The following INPP4B variants were observed in gnomAD, a reference collection of about 807,000 sequenced individuals.
INPP4B encodes inositol polyphosphate-4-phosphatase type II B.
In INPP4B, 55 loss-of-function variants were observed where a neutral mutation model predicts 122.5. That is an observed-to-expected ratio of 0.45 (90% CI 0.36 to 0.56). INPP4B has a LOEUF of 0.56. Ranked by LOEUF, INPP4B falls within the 20% of genes least tolerant of loss-of-function variation. The pLI is 0.00. For missense variants in INPP4B, 1,000 were observed against 1,097.7 expected (o/e 0.91, Z 1.26); for synonymous variants, 403 against 388.7 (o/e 1.04, Z -0.43).
At chr4:142,072,058 T>C (rs1767738187) in intron 25 of INPP4B, among the ~76,000 whole-genome samples, 1 of 152,124 alleles carries the variant, frequency 6.6e-6, no homozygotes, top group African/African-American at 2.4e-5. Context: ...TGTGGCACCA[T>C]TCACAATAGC....
chr4:142,717,657 A>T (rs1763958355), intron 2 of INPP4B, among the ~76,000 whole-genome samples: 1 of 152,094 alleles, frequency 6.6e-6, no homozygotes. Flanking sequence ...ACCAAACACC[A>T]CATGTTGTCA....
chr4:142,089,458 CACACACACACACACACACACACAG>C (rs1173699080), intron 23 of INPP4B, among the ~76,000 whole-genome samples: 1 of 148,084 alleles, frequency 6.8e-6, no homozygotes, highest in Non-Finnish European at 1.5e-5. Flanking sequence ...CACACACACA[CACACACACACACACACACACACAG>C]AGAGAGAGAG....
At chr4:142,496,104 C>A (rs1157693301) in intron 2 of INPP4B, among the ~76,000 whole-genome samples, 1 of 152,170 alleles carries the variant, frequency 6.6e-6, no homozygotes, top group Admixed American at 6.5e-5. Flanking sequence ...TTCTTGGCCT[C>A]ACATTACTTA....
At chr4:142,096,927 G>A (rs1213824388) in intron 23 of INPP4B, among the ~76,000 whole-genome samples, 2 of 152,108 alleles carry the variant, frequency 1.3e-5, no homozygotes, top group Admixed American at 1.3e-4. Flanking sequence ...TCCTGCCAAA[G>A]GGTATGTGAA....
intron 2 of INPP4B, among the ~76,000 whole-genome samples, chr4:142,545,813 ACATGTG>A (rs1436526979): frequency 0.014 from 982 of 70,790 alleles, 40 homozygotes; most frequent in Admixed American, 0.069. Flanking sequence ...ATACACATAT[ACATGTG>A]TGTATATATA....
At chr4:142,645,271 T>C (rs762696575) in intron 2 of INPP4B, among the ~76,000 whole-genome samples, 6 of 152,180 alleles carry the variant, frequency 3.9e-5, no homozygotes, top group Non-Finnish European at 2.9e-5. Context: ...AGTCATATGA[T>C]TTGACCATTA....
chr4:142,068,519 TA>T (rs2152470026), intron 25 of INPP4B, among the ~76,000 whole-genome samples: 1 of 152,262 alleles, frequency 6.6e-6, no homozygotes, highest in Admixed American at 6.5e-5. Flanking sequence ...ATGCTCCAAT[TA>T]AAAGACACAG....
At chr4:142,780,310 A>G (rs1359493877) in intron 1 of INPP4B, among the ~76,000 whole-genome samples, 1 of 152,174 alleles carries the variant, frequency 6.6e-6, no homozygotes, top group African/African-American at 2.4e-5. Flanking sequence ...AGTTTCAACT[A>G]AGGTTTAATA....
intron 1 of INPP4B, among the ~76,000 whole-genome samples, chr4:142,750,241 A>G (rs1346999976): frequency 5.3e-5 from 8 of 152,072 alleles, no homozygotes; most frequent in Non-Finnish European, 4.4e-5. Context: ...TATTTAGGGA[A>G]TATGTAAGTG....
At chr4:142,208,827 A>ATTT in intron 13 of INPP4B, 69 bp downstream of exon 13, 4 of 1,097,978 alleles carry the variant, frequency 3.6e-6, no homozygotes, top group South Asian at 2.3e-5. Context: ...TCTATTTATT[A>ATTT]TTTTTTTTTT....
Position 142,134,748 on chromosome 4 carries a change from G to A in INPP4B, c.1721-9988C>T, listed in dbSNP as rs946433784. On this transcript the variant is annotated intron_variant, in intron 18 of 25. Transcript: ENST00000262992. The stretch of plus-strand genomic sequence containing the variant: ...GGGGACGGAGGTTGTGGTGAGCTGA[G>A]ATCACACCATTGCATTCCAGCCTGG... Among the ~76,000 whole-genome samples, 9 of 125,244 alleles carry A rather than the reference G, an allele frequency of 7.2e-5. No homozygotes were observed. The East Asian group carries it at 1.8e-3, about 24-fold the overall frequency. The allele number at this position is 125,244 out of a possible 152,430, so 82.2% of individuals were successfully genotyped here.
chr4:142,231,985 T>C (rs1319876333), intron 12 of INPP4B, among the ~76,000 whole-genome samples: 2 of 152,200 alleles, frequency 1.3e-5, no homozygotes, highest in African/African-American at 4.8e-5. Flanking sequence ...TAAAGTTTTA[T>C]TGAAACAGCT....
intron 10 of INPP4B, among the ~76,000 whole-genome samples, chr4:142,264,969 TCTCTCTCTCC>T (rs149403044): frequency 0.038 from 5,832 of 151,656 alleles, 345 homozygotes; most frequent in African/African-American, 0.13. Flanking sequence ...TCTTTCTCTC[TCTCTCTCTCC>T]CTCTCTCTCC....
chr4:142,074,258 T>C (rs1769234546), intron 25 of INPP4B, among the ~76,000 whole-genome samples: 2 of 152,130 alleles, frequency 1.3e-5, no homozygotes, highest in South Asian at 2.1e-4. Flanking sequence ...CTCCATTATA[T>C]GAAACATAGA....
At chr4:142,686,980 A>C (rs984968586) in intron 2 of INPP4B, among the ~76,000 whole-genome samples, 1 of 152,050 alleles carries the variant, frequency 6.6e-6, no homozygotes, top group South Asian at 2.1e-4. Context: ...AAGGCAAGGT[A>C]TTCTTTTTGG....
chr4:142,473,108 T>C (rs1819182678), intron 2 of INPP4B: 1 of 152,226 alleles, frequency 6.6e-6, no homozygotes, highest in Non-Finnish European at 1.5e-5. Flanking sequence ...ATTAGCTACA[T>C]GACTAAGTAA....
chr4:142,198,869 C>T (rs1438872453), intron 14 of INPP4B, among the ~76,000 whole-genome samples: 1 of 152,056 alleles, frequency 6.6e-6, no homozygotes, highest in Non-Finnish European at 1.5e-5. Context: ...TAAGGCTCTT[C>T]CCATTACCTA....
chr4:142,232,380 GCAATGTTTT>G (rs911860905), intron 12 of INPP4B, among the ~76,000 whole-genome samples: 4 of 152,008 alleles, frequency 2.6e-5, no homozygotes, highest in Non-Finnish European at 4.4e-5. Context: ...TAGAACTGTT[GCAATGTTTT>G]CAATGTTTTC....
chr4:142,160,454 C>T lies in INPP4B; in HGVS notation c.1467G>A (p.Lys489=), dbSNP rs1275480616. ...GGILKKPPSP[K]SSTEESSPQD... ...GGGGACTGCTCTCCTCTGTGCTGCT[C>T]TTAGGAGAGGGTGGCTTCTTAAGAA... The change falls in exon 17 of 26, where the codon AAG becomes AAA. Residue 489 remains lysine, a synonymous_variant. Transcript: ENST00000262992. The T allele has an allele frequency of 1.2e-6, 2 of 1,612,612 alleles. No homozygotes were observed. Among genetic ancestry groups the T allele is most frequent in the East Asian group, 2.2e-5 (1 of 44,832 alleles).
Sources: allele counts gnomAD v4.1 joint callset (sites outside exome capture counted in the v4.1 genomes callset), GRCh38; gene constraint gnomAD v4.1.1; transcripts MANE v1.5; gene names NCBI Gene and HGNC (gene_info 2026-07-23, HGNC 2026-07-21).